TASP1: variants seen among roughly 807,000 people sequenced by gnomAD.
TASP1 encodes taspase 1, also known as threonine aspartase 1.
A neutral mutation model predicts 56.6 loss-of-function variants in TASP1; 16 were observed. The observed-to-expected ratio is 0.28, with a 90% confidence interval of 0.19 to 0.43. TASP1 has a LOEUF of 0.43. Ranked by LOEUF, TASP1 falls within the 20% of genes least tolerant of loss-of-function variation. TASP1 has a pLI of 1.00. For missense variants in TASP1, 393 were observed against 511.6 expected (o/e 0.77, Z 2.24); for synonymous variants, 179 against 184.2 (o/e 0.97, Z 0.23).
intron 10 of TASP1, among the ~76,000 whole-genome samples, chr20:13,511,143 G>A (rs2044311578): frequency 6.6e-6 from 1 of 151,624 alleles, no homozygotes; most frequent in Non-Finnish European, 1.5e-5. Flanking sequence ...GAAGTCTGCT[G>A]GGGAGCTTCT....
chr20:13,115,187 A>G, the TASP1 span, among the ~76,000 whole-genome samples: 2 of 152,212 alleles, frequency 1.3e-5, no homozygotes, highest in African/African-American at 4.8e-5. Context: ...CTTTTTATGC[A>G]TGCGCTAGAC....
the TASP1 span, among the ~76,000 whole-genome samples, chr20:13,291,657 T>C: frequency 3.3e-4 from 50 of 152,208 alleles, no homozygotes; most frequent in South Asian, 8.3e-4. Context: ...AGAGCTGGGT[T>C]CAGTTCCTCA....
intron 10 of TASP1, among the ~76,000 whole-genome samples, chr20:13,508,969 G>A (rs957542534): frequency 1.4e-4 from 21 of 151,986 alleles, no homozygotes; most frequent in African/African-American, 4.6e-4. Context: ...CCATATAATC[G>A]AACAATCCCA....
chr20:13,486,231 T>C (rs1012206495), intron 10 of TASP1, among the ~76,000 whole-genome samples: 6 of 152,186 alleles, frequency 3.9e-5, no homozygotes, highest in Non-Finnish European at 8.8e-5. Context: ...CACTCTTTAT[T>C]CACCAAAAAA....
At chr20:13,233,981 A>G in the TASP1 span, among the ~76,000 whole-genome samples, 17 of 152,154 alleles carry the variant, frequency 1.1e-4, no homozygotes, top group Non-Finnish European at 2.2e-4. Flanking sequence ...ATGTTTACTT[A>G]TATATATTTT....
intron 8 of TASP1, among the ~76,000 whole-genome samples, chr20:13,546,313 A>C (rs186579383): frequency 1.4e-4 from 21 of 152,358 alleles, no homozygotes; most frequent in African/African-American, 5.0e-4. Context: ...CTCAAGCTAC[A>C]CAAACTGATG....
the TASP1 span, among the ~76,000 whole-genome samples, chr20:13,366,892 TCA>T: frequency 6.6e-6 from 1 of 150,994 alleles, no homozygotes; most frequent in Non-Finnish European, 1.5e-5. Context: ...ACACTCTCTC[TCA>T]CACACACACT....
intron 10 of TASP1, among the ~76,000 whole-genome samples, chr20:13,522,053 A>G (rs943670869): frequency 3.3e-5 from 5 of 152,146 alleles, no homozygotes; most frequent in Admixed American, 1.3e-4. Flanking sequence ...CAAAGCCCCT[A>G]TGGCGGGAGT....
At chr20:13,487,215 C>G (rs951449303) in intron 10 of TASP1, among the ~76,000 whole-genome samples, 1 of 152,164 alleles carries the variant, frequency 6.6e-6, no homozygotes, top group Non-Finnish European at 1.5e-5. Context: ...ACCTTCATTT[C>G]TTTCCCCATT....
At chr20:13,379,780 A>T in the TASP1 span, among the ~76,000 whole-genome samples, 1 of 151,608 alleles carries the variant, frequency 6.6e-6, no homozygotes, top group Non-Finnish European at 1.5e-5. Flanking sequence ...GTTCCTTTTC[A>T]TTCTTTTTTC....
the TASP1 span, among the ~76,000 whole-genome samples, chr20:13,272,081 T>TA: frequency 6.6e-6 from 1 of 152,222 alleles, no homozygotes; most frequent in South Asian, 2.1e-4. Flanking sequence ...AGCCAGCCCA[T>TA]ACTTGTAAGC....
the TASP1 span, among the ~76,000 whole-genome samples, chr20:13,354,480 G>A: frequency 3.3e-5 from 5 of 152,160 alleles, no homozygotes; most frequent in Non-Finnish European, 7.3e-5. Context: ...ACCTGTGCTA[G>A]AAGACAATGA....
In TASP1 at chr20:13,440,750, G is replaced by A. The variant is rs76308837; in HGVS notation, c.986-5596C>T. On this transcript the variant is annotated intron_variant, in intron 11 of 13. Coordinates refer to ENST00000337743, the MANE Select transcript of TASP1 (RefSeq NM_017714.3). The stretch of plus-strand genomic sequence containing the variant: ...TAATTTTCAGAACCACCTGCCATGA[G>A]ACATTTTATTATCATTTACAGATGA... Among the ~76,000 whole-genome samples, 331 of 151,850 alleles carry A rather than the reference G, an allele frequency of 2.2e-3. 2 individuals are homozygous for A. Among genetic ancestry groups the A allele is most frequent in the Non-Finnish European group, 3.5e-3 (239 of 67,974 alleles).
intron 8 of TASP1, among the ~76,000 whole-genome samples, chr20:13,556,180 C>T (rs1278568730): frequency 6.6e-6 from 1 of 152,200 alleles, no homozygotes; most frequent in Non-Finnish European, 1.5e-5. Context: ...ACCCTTAAAT[C>T]CTCTGCTCAG....
chr20:13,582,879 A>C (rs998544841), intron 5 of TASP1, among the ~76,000 whole-genome samples: 5 of 152,156 alleles, frequency 3.3e-5, no homozygotes, highest in South Asian at 2.1e-4. Context: ...CAGCTAGCAC[A>C]ATAGGTAAGC....
chr20:13,117,855 T>A, the TASP1 span: 1 of 820,066 alleles, frequency 1.2e-6, no homozygotes, highest in Non-Finnish European at 1.9e-6. Context: ...CCAGCCTGGC[T>A]ACAGTGGGTT....
chr20:13,631,948 G>A (rs905013852), intron 1 of TASP1, among the ~76,000 whole-genome samples: 4 of 151,716 alleles, frequency 2.6e-5, no homozygotes, highest in Non-Finnish European at 5.9e-5. Flanking sequence ...AGCTACTTGG[G>A]AGGCTGAGGC....
intron 11 of TASP1, among the ~76,000 whole-genome samples, chr20:13,456,609 T>A (rs895553866): frequency 6.6e-6 from 1 of 152,150 alleles, no homozygotes; most frequent in African/African-American, 2.4e-5. Context: ...TGTCTTTAAC[T>A]GGCTGAAGCT....
At chr20:13,242,137 G>C in the TASP1 span, among the ~76,000 whole-genome samples, 1 of 152,186 alleles carries the variant, frequency 6.6e-6, no homozygotes, top group African/African-American at 2.4e-5. Context: ...GTCTAGGGAA[G>C]AGGGTGGTTG....
Sources: allele counts gnomAD v4.1 joint callset (sites outside exome capture counted in the v4.1 genomes callset), GRCh38; gene constraint gnomAD v4.1.1; transcripts MANE v1.5; gene names NCBI Gene and HGNC (gene_info 2026-07-23, HGNC 2026-07-21).